The following PDE11A variants were observed in gnomAD, a reference collection of about 807,000 sequenced individuals.
PDE11A encodes dual 3',5'-cyclic-AMP and -GMP phosphodiesterase 11A.
PDE11A carries 100 observed loss-of-function variants against 100.5 expected under a neutral mutation model. That is an observed-to-expected ratio of 1.00 (90% confidence interval 0.85 to 1.18). The LOEUF is 1.18. PDE11A is among the 50% of genes most tolerant of loss of function. The pLI is 0.00. For missense variants in PDE11A, 1,141 were observed against 1,152.6 expected (o/e 0.99, Z 0.15); for synonymous variants, 381 against 420.8 (o/e 0.91, Z 1.16).
intron 2 of PDE11A, among the ~76,000 whole-genome samples, chr2:177,993,467 T>C (rs1250821414): frequency 1.3e-5 from 2 of 152,248 alleles, no homozygotes; most frequent in African/African-American, 4.8e-5. Context: ...TCAGTGTGCA[T>C]GGTTCTTAAA....
chr2:177,938,189 C>CA (rs1425404429), intron 2 of PDE11A, among the ~76,000 whole-genome samples: 5 of 152,084 alleles, frequency 3.3e-5, no homozygotes, highest in African/African-American at 1.2e-4. Context: ...GTTTAAGAGA[C>CA]AGAGTTTAGG....
chr2:177,680,653 A>G (rs1472276683), intron 16 of PDE11A, among the ~76,000 whole-genome samples, 173 bp downstream of exon 16: 1 of 152,202 alleles, frequency 6.6e-6, no homozygotes, highest in East Asian at 1.9e-4. Flanking sequence ...TATAAGATGA[A>G]AAGACATTCT....
chr2:177,818,954 C>CATATAT (rs58051939), intron 7 of PDE11A, among the ~76,000 whole-genome samples: 5,403 of 151,422 alleles, frequency 0.036, 292 homozygotes, highest in African/African-American at 0.11. Context: ...TGCAAGAAGA[C>CATATAT]ATATATATAT....
chr2:178,067,893 G>T (rs774320901), intron 1 of PDE11A, among the ~76,000 whole-genome samples: 2 of 152,132 alleles, frequency 1.3e-5, no homozygotes, highest in Non-Finnish European at 2.9e-5. Flanking sequence ...AAAGGCAGGC[G>T]CACCTGTAAC....
At chr2:177,713,994 T>TC (rs1553540440) in intron 12 of PDE11A, among the ~76,000 whole-genome samples, 2 of 116,252 alleles carry the variant, frequency 1.7e-5, no homozygotes, top group South Asian at 3.3e-4. Flanking sequence ...TTTCTTTTTT[T>TC]TTTTTTTTTT....
intron 5 of PDE11A, among the ~76,000 whole-genome samples, chr2:177,861,547 A>T (rs2083945882): frequency 6.6e-6 from 1 of 151,916 alleles, no homozygotes; most frequent in African/African-American, 2.4e-5. Context: ...CTCAGCTACT[A>T]ATTTTGGAGA....
At chr2:178,009,824 G>A (rs1395359200) in intron 2 of PDE11A, among the ~76,000 whole-genome samples, 1 of 152,272 alleles carries the variant, frequency 6.6e-6, no homozygotes, top group African/African-American at 2.4e-5. Context: ...ATGATTTACT[G>A]ATTTCCATAT....
intron 5 of PDE11A, among the ~76,000 whole-genome samples, chr2:177,853,855 T>TATATCTATATATGTATATAG (rs1457195294): frequency 3.4e-5 from 5 of 145,028 alleles, no homozygotes; most frequent in African/African-American, 1.0e-4. Context: ...TATGTGTATA[T>TATATCTATATATGTATATAG]ATATCTATAT....
intron 1 of PDE11A, among the ~76,000 whole-genome samples, chr2:178,033,614 T>C: frequency 6.6e-6 from 1 of 151,986 alleles, no homozygotes; most frequent in South Asian, 2.1e-4. Context: ...TCTCCAAGGT[T>C]GAAACAAAGG....
At chr2:177,786,267 C>T (rs1168075653) in intron 9 of PDE11A, among the ~76,000 whole-genome samples, 2 of 152,192 alleles carry the variant, frequency 1.3e-5, no homozygotes, top group East Asian at 3.9e-4. Flanking sequence ...CTGCTGATAC[C>T]AGGCAAACAG....
intron 2 of PDE11A, among the ~76,000 whole-genome samples, chr2:177,927,453 A>G (rs2085145120): frequency 6.6e-6 from 1 of 152,246 alleles, no homozygotes; most frequent in South Asian, 2.1e-4. Flanking sequence ...TTGAGATTAT[A>G]AGAGAACAAA....
At chr2:177,758,902 T>C (rs192365338) in intron 10 of PDE11A, among the ~76,000 whole-genome samples, 14 of 152,336 alleles carry the variant, frequency 9.2e-5, no homozygotes, top group Non-Finnish European at 1.8e-4. Flanking sequence ...TTCCAGGTCA[T>C]GCGTACACAC....
intron 2 of PDE11A, among the ~76,000 whole-genome samples, chr2:177,940,082 A>T (rs750748313): frequency 6.6e-6 from 1 of 152,146 alleles, no homozygotes; most frequent in Non-Finnish European, 1.5e-5. Context: ...TTGCTTCACG[A>T]TAACATGGGA....
At chr2:178,050,384 C>A (rs968914495) in intron 1 of PDE11A, among the ~76,000 whole-genome samples, 4 of 152,144 alleles carry the variant, frequency 2.6e-5, no homozygotes, top group African/African-American at 9.7e-5. Flanking sequence ...GTAGACAAAA[C>A]CACAAAGACG....
At chr2:177,693,630 A>C (rs555433306) in intron 15 of PDE11A, among the ~76,000 whole-genome samples, 1 of 152,234 alleles carries the variant, frequency 6.6e-6, no homozygotes, top group Non-Finnish European at 1.5e-5. Flanking sequence ...ATTACAGAAC[A>C]CCTGGAAAGA....
At chr2:177,940,530 T>C (rs2085334160) in intron 2 of PDE11A, among the ~76,000 whole-genome samples, 1 of 152,230 alleles carries the variant, frequency 6.6e-6, no homozygotes, top group African/African-American at 2.4e-5. Flanking sequence ...GTCCTATTTA[T>C]AATAATTTGC....
intron 1 of PDE11A, among the ~76,000 whole-genome samples, chr2:178,032,389 C>T (rs1395856896): frequency 6.6e-6 from 1 of 151,452 alleles, no homozygotes; most frequent in Non-Finnish European, 1.5e-5. Context: ...GAGGCTGAGG[C>T]AGGAGAATTG....
At chr2:177,982,824 C>T (rs541616455) in intron 2 of PDE11A, among the ~76,000 whole-genome samples, 1 of 150,888 alleles carries the variant, frequency 6.6e-6, no homozygotes, top group East Asian at 1.9e-4. Context: ...ACCTGTAATT[C>T]CAGTACTTTG....
Position 177,804,448 on chromosome 2 carries a change from C to T in PDE11A, c.1737+12381G>A, listed in dbSNP as rs143056096. Among the ~76,000 whole-genome samples the T allele has an allele frequency of 4.0e-5, 6 of 151,652 alleles. No homozygotes were observed. In the East Asian group the frequency reaches 5.8e-4, roughly 15 times the overall value. Reference sequence around the variant, plus strand: ...AAAACAACAGATATTGGCAAGGAGGCGGAGAAAAGGTAATACTTATATGCT... The same window carrying T: ...AAAACAACAGATATTGGCAAGGAGGTGGAGAAAAGGTAATACTTATATGCT... On this transcript the variant is annotated intron_variant, in intron 9 of 19. Coordinates refer to ENST00000286063, the MANE Select transcript of PDE11A (RefSeq NM_016953.4).
Sources: allele counts gnomAD v4.1 joint callset (sites outside exome capture counted in the v4.1 genomes callset), GRCh38; gene constraint gnomAD v4.1.1; transcripts MANE v1.5; gene names NCBI Gene and HGNC (gene_info 2026-07-23, HGNC 2026-07-21).